Variants in ATP9B observed in about 807,000 individuals in gnomAD.
ATP9B encodes the protein probable phospholipid-transporting ATPase IIB.
A neutral mutation model predicts 146.1 loss-of-function variants in ATP9B; 110 were observed. The observed-to-expected ratio is 0.75, with a 90% CI of 0.65 to 0.88. ATP9B has a LOEUF of 0.88. ATP9B is among the 40% of genes least tolerant of loss of function. The pLI is 0.00. For synonymous variants in ATP9B, 604 were observed against 569.7 expected (o/e 1.06, Z -0.86); for missense variants, 1,499 against 1,496.4 (o/e 1.00, Z -0.03).
intron 8 of ATP9B, among the ~76,000 whole-genome samples, chr18:79,191,704 T>A (rs1320313046): frequency 6.6e-6 from 1 of 152,234 alleles, no homozygotes; most frequent in Non-Finnish European, 1.5e-5. Context: ...TCCTACTTGC[T>A]TACTCGTTAG....
intron 13 of ATP9B, among the ~76,000 whole-genome samples, chr18:79,280,147 A>C (rs1464612606): frequency 1.3e-5 from 2 of 152,256 alleles, no homozygotes; most frequent in South Asian, 4.1e-4. Context: ...TGAATACTAA[A>C]TAGCAGTGAC....
At chr18:79,069,845 A>T (rs751344079) in intron 1 of ATP9B, among the ~76,000 whole-genome samples, 1 of 152,242 alleles carries the variant, frequency 6.6e-6, no homozygotes, top group Non-Finnish European at 1.5e-5. Flanking sequence ...GGGGATCAAA[A>T]GTGCTAACTT....
chr18:79,308,711 G>T (rs77090787), intron 15 of ATP9B, among the ~76,000 whole-genome samples: 1,132 of 9,580 alleles, frequency 0.12, 82 homozygotes, highest in African/African-American at 0.17. Flanking sequence ...GGTCAGGGGT[G>T]GTGGAGTGAT....
At chr18:79,230,795 C>T (rs1308500603) in intron 11 of ATP9B, among the ~76,000 whole-genome samples, 1 of 151,640 alleles carries the variant, frequency 6.6e-6, no homozygotes, top group Non-Finnish European at 1.5e-5. Flanking sequence ...ACAAATTGCA[C>T]GGTACTGGTA....
chr18:79,290,283 C>T (rs2096488944), intron 13 of ATP9B, among the ~76,000 whole-genome samples: 1 of 152,266 alleles, frequency 6.6e-6, no homozygotes, highest in African/African-American at 2.4e-5. Flanking sequence ...TTGGAGCTTC[C>T]TGGCTGCTTT....
intron 5 of ATP9B, among the ~76,000 whole-genome samples, chr18:79,133,101 A>G (rs1157649917): frequency 6.6e-6 from 1 of 152,096 alleles, no homozygotes. Context: ...CATGTTGGCC[A>G]GGTTGGTCTC....
Position 79,332,225 on chromosome 18 carries a change from T to G in ATP9B, c.2028+2121T>G, listed in dbSNP as rs376680817. ...CGGGCAGATCACGAGGTCAGGAGAT[T>G]GAGACCCTCCTGGCTAACACGGTGA... On this transcript the variant is annotated intron_variant, in intron 17 of 29. Transcript: ENST00000426216. Among the ~76,000 whole-genome samples, 87 of 152,232 alleles carry G rather than the reference T, an allele frequency of 5.7e-4. 1 individual carries two copies. Among genetic ancestry groups the G allele is most frequent in the Middle Eastern group, 6.8e-3 (2 of 294 alleles).
chr18:79,329,752 G>A (rs1322887207), intron 16 of ATP9B, among the ~76,000 whole-genome samples: 1 of 152,182 alleles, frequency 6.6e-6, no homozygotes, highest in Non-Finnish European at 1.5e-5. Flanking sequence ...GAGAATGAAT[G>A]CAACTCAAAT....
At chr18:79,129,836 C>T (rs538719980) in intron 5 of ATP9B, among the ~76,000 whole-genome samples, 79 of 152,196 alleles carry the variant, frequency 5.2e-4, no homozygotes, top group African/African-American at 1.8e-3. Flanking sequence ...CTCCGTCCCC[C>T]GGCTTCAAGT....
chr18:79,303,452 A>G, intron 13 of ATP9B, 152 bp from the exon 14 acceptor site: 1 of 498,538 alleles, frequency 2.0e-6, no homozygotes, highest in African/African-American at 1.9e-5. Flanking sequence ...AAATAGTAGC[A>G]AGTAACAATC....
At chr18:79,126,431 G>T in intron 5 of ATP9B, 56 bp downstream of exon 5, 1 of 1,188,724 alleles carries the variant, frequency 8.4e-7, no homozygotes, top group Non-Finnish European at 1.2e-6. Context: ...TATCATTTTA[G>T]AGTTAACATA....
chr18:79,155,754 T>TC (rs1491539870), intron 7 of ATP9B, among the ~76,000 whole-genome samples: 2 of 26,978 alleles, frequency 7.4e-5, no homozygotes, highest in African/African-American at 9.6e-4. Context: ...GTTTTCTCTC[T>TC]TTTTTTTTTT....
Position 79,261,379 on chromosome 18 carries a change from C to T in ATP9B, c.1268+7838C>T, listed in dbSNP as rs994428041. On this transcript the variant is annotated intron_variant, in intron 12 of 29. Coordinates refer to ENST00000426216, the MANE Select transcript of ATP9B (RefSeq NM_198531.5). ...ACCATCCTGAATTAGAGTAGGCCCTCATTGCAGTGAATGTCCTTGTAATCA... is the reference window on the plus strand; with the variant it reads ...ACCATCCTGAATTAGAGTAGGCCCTTATTGCAGTGAATGTCCTTGTAATCA... 1.2e-4 allele frequency among the ~76,000 whole-genome samples: 19 copies of T among 152,054 alleles called. 1 individual carries two copies. The highest frequency in any genetic ancestry group is 4.6e-4 in the African/African-American group (19 of 41,388).
intron 9 of ATP9B, among the ~76,000 whole-genome samples, chr18:79,196,041 A>G (rs1431783815): frequency 3.9e-5 from 6 of 152,202 alleles, no homozygotes; most frequent in African/African-American, 1.2e-4. Flanking sequence ...ATATACAGGG[A>G]AAAATCCTTT....
At chr18:79,117,511 G>A (rs1052501533) in intron 4 of ATP9B, 1 of 152,238 alleles carries the variant, frequency 6.6e-6, no homozygotes. Flanking sequence ...AGGCAGAGGA[G>A]TAATTGCAGA....
chr18:79,281,489 C>T (rs1015397821), intron 13 of ATP9B, among the ~76,000 whole-genome samples: 1 of 151,202 alleles, frequency 6.6e-6, no homozygotes, highest in African/African-American at 2.4e-5. Flanking sequence ...AGGAGTAAAA[C>T]TCCATTTCAA....
chr18:79,242,143 C>T (rs971971808), intron 11 of ATP9B, among the ~76,000 whole-genome samples: 6 of 152,132 alleles, frequency 3.9e-5, no homozygotes, highest in African/African-American at 1.2e-4. Flanking sequence ...TAAATCCAAG[C>T]GTTTTGTCTG....
At position 79,226,001 on chromosome 18, in the gene ATP9B, A is replaced by G. The variant is rs138513584; in HGVS notation, c.1107+11963A>G. ...CCCATTGTCATCACTGCCTCCTCCT[A>G]TGGCAGCATGAATTCTACAAGGGCT... On this transcript the variant is annotated intron_variant, in intron 11 of 29. Coordinates refer to ENST00000426216, the MANE Select transcript of ATP9B (RefSeq NM_198531.5). Among the ~76,000 whole-genome samples the G allele has an allele frequency of 2.6e-3, 389 of 151,064 alleles. 8 individuals are homozygous for G. The highest frequency in any genetic ancestry group is 9.3e-3 in the African/African-American group (376 of 40,392).
chr18:79,352,624 CTG>C (rs1407059853), intron 25 of ATP9B: 2 of 150,654 alleles, frequency 1.3e-5, no homozygotes, highest in African/African-American at 5.0e-5. Context: ...CTCGAAACCT[CTG>C]TGTTTCAACA....
Sources: gnomAD v4.1 joint callset for allele counts (sites outside exome capture counted in the v4.1 genomes callset) on GRCh38, gnomAD v4.1.1 for gene constraint, MANE v1.5 for transcripts, NCBI Gene and HGNC (gene_info 2026-07-23, HGNC 2026-07-21) for gene names.